PTGER4: variants seen among roughly 807,000 people sequenced by gnomAD.
PTGER4 encodes the protein prostaglandin E2 receptor EP4 subtype.
PTGER4 carries 11 observed loss-of-function variants against 33.2 expected under a neutral mutation model. That is an observed-to-expected ratio of 0.33 (90% CI 0.21 to 0.55). The LOEUF (loss-of-function observed/expected upper bound fraction) is 0.55. PTGER4 is among the 20% of genes least tolerant of loss of function. The pLI is 0.92. For synonymous variants in PTGER4, 275 were observed against 281.5 expected (o/e 0.98, Z 0.23); for missense variants, 481 against 650.2 (o/e 0.74, Z 2.83).
At chr5:40,685,440 T>C in intron 2 of PTGER4, 2 of 985,398 alleles carry the variant, frequency 2.0e-6, no homozygotes, top group Non-Finnish European at 2.4e-6. Flanking sequence ...GTCAGATGAG[T>C]GTGAAGCACA....
the PTGER4 span, among the ~76,000 whole-genome samples, chr5:40,745,017 T>G: frequency 6.6e-6 from 1 of 152,108 alleles, no homozygotes; most frequent in East Asian, 1.9e-4. Context: ...AAGAAACACA[T>G]GAGATAGAGG....
At chr5:40,717,695 T>C in the PTGER4 span, among the ~76,000 whole-genome samples, 1 of 152,348 alleles carries the variant, frequency 6.6e-6, no homozygotes, top group Non-Finnish European at 1.5e-5. Flanking sequence ...GGTCTAAATC[T>C]ATTATATGTT....
chr5:40,697,300 G>GAAAGAAAGAAAGAA (rs1741635196), downstream of PTGER4, among the ~76,000 whole-genome samples: 1 of 139,778 alleles, frequency 7.2e-6, no homozygotes, highest in Non-Finnish European at 1.6e-5. Context: ...GAAAGAAAAA[G>GAAAGAAAGAAAGAA]AAAGGCCAGG....
chr5:40,721,478 A>C, the PTGER4 span, among the ~76,000 whole-genome samples: 4 of 152,226 alleles, frequency 2.6e-5, no homozygotes, highest in Non-Finnish European at 5.9e-5. Flanking sequence ...CTGATCTTCA[A>C]CAAGGGCATT....
chr5:40,719,168 AT>A, the PTGER4 span, among the ~76,000 whole-genome samples: 1 of 152,116 alleles, frequency 6.6e-6, no homozygotes, highest in Non-Finnish European at 1.5e-5. Flanking sequence ...ATTCTAGAAC[AT>A]TTTTATCACC....
downstream of PTGER4, among the ~76,000 whole-genome samples, chr5:40,696,956 AAGAG>A (rs1436082602): frequency 2.9e-5 from 3 of 102,862 alleles, no homozygotes; most frequent in South Asian, 7.1e-4. Flanking sequence ...GAAAGAGAGA[AAGAG>A]AGAAAGAAAG....
chr5:40,695,925 G>A (rs1741576906), downstream of PTGER4, among the ~76,000 whole-genome samples: 1 of 152,168 alleles, frequency 6.6e-6, no homozygotes, highest in Non-Finnish European at 1.5e-5. Flanking sequence ...GACTCCAAAA[G>A]TGGGGAGGTG....
At chr5:40,686,766 C>A (rs1257555283) in intron 2 of PTGER4, among the ~76,000 whole-genome samples, 2 of 152,140 alleles carry the variant, frequency 1.3e-5, no homozygotes, top group East Asian at 1.9e-4. Context: ...GGTGTGGTAA[C>A]ATGTGCCTGT....
chr5:40,697,292 AAG>A (rs1232997280), downstream of PTGER4, among the ~76,000 whole-genome samples: 4 of 145,276 alleles, frequency 2.8e-5, no homozygotes, highest in Non-Finnish European at 4.6e-5. Flanking sequence ...GAAAGAAAGA[AAG>A]AAAAAGAAAG....
chr5:40,741,351 AAAGAC>A, the PTGER4 span, among the ~76,000 whole-genome samples: 1 of 152,164 alleles, frequency 6.6e-6, no homozygotes, highest in Non-Finnish European at 1.5e-5. Context: ...GGTGACCATC[AAAGAC>A]ACTCCATTCT....
At chr5:40,731,606 T>A in the PTGER4 span, among the ~76,000 whole-genome samples, 2 of 152,098 alleles carry the variant, frequency 1.3e-5, no homozygotes, top group Non-Finnish European at 2.9e-5. Flanking sequence ...TAAGATCTCG[T>A]GAGAACTCAG....
At chr5:40,734,010 C>A in the PTGER4 span, among the ~76,000 whole-genome samples, 1 of 152,322 alleles carries the variant, frequency 6.6e-6, no homozygotes, top group East Asian at 1.9e-4. Flanking sequence ...ATAACCATTG[C>A]TGCCAGCAGA....
At chr5:40,698,508 A>T (rs1355354179), downstream of PTGER4, among the ~76,000 whole-genome samples, 3 of 152,184 alleles carry the variant, frequency 2.0e-5, no homozygotes, top group Non-Finnish European at 4.4e-5. Context: ...TGTTTGCAAA[A>T]TATGTAAAGT....
At chr5:40,706,098 T>G in the PTGER4 span, among the ~76,000 whole-genome samples, 2 of 152,160 alleles carry the variant, frequency 1.3e-5, no homozygotes, top group African/African-American at 4.8e-5. Flanking sequence ...AATGACAGAC[T>G]GGCTAAAGAA....
intron 2 of PTGER4, among the ~76,000 whole-genome samples, chr5:40,684,412 C>A (rs527755715): frequency 1.3e-5 from 2 of 152,030 alleles, no homozygotes; most frequent in Non-Finnish European, 2.9e-5. Flanking sequence ...GCTAACAAAG[C>A]AAATGTAGTT....
chr5:40,692,381 G>T lies in PTGER4; in HGVS notation c.*3G>T. The T allele has an allele frequency of 1.3e-6, 2 of 1,575,160 alleles. No homozygotes were observed. The highest frequency in any genetic ancestry group is 1.7e-6 in the Non-Finnish European group (2 of 1,159,786). On this transcript the variant is annotated 3_prime_UTR_variant, in exon 3 of 3. Coordinates refer to ENST00000302472, the MANE Select transcript of PTGER4 (RefSeq NM_000958.3). ...ACTTATCAGAAAAATGTATATAATA[G>T]GCAAGGAAAGAAATACAGTACTGTT...
chr5:40,699,371 C>CTT, the PTGER4 span, among the ~76,000 whole-genome samples: 104,437 of 151,738 alleles, frequency 0.69, 35,969 homozygotes, highest in East Asian at 0.8. Context: ...TAATTAAAAA[C>CTT]TACCCCGCAA....
the PTGER4 span, among the ~76,000 whole-genome samples, chr5:40,738,097 C>A: frequency 6.6e-6 from 1 of 152,014 alleles, no homozygotes; most frequent in Non-Finnish European, 1.5e-5. Flanking sequence ...TGAGATTGTA[C>A]AATAAAGTAT....
In PTGER4 at chr5:40,692,287, G is replaced by A. The variant is rs377759708; in HGVS notation, c.1376G>A (p.Gly459Glu). 1 of 1,613,386 alleles carries A rather than the reference G, an allele frequency of 6.2e-7. No individual in the cohort carries two copies. The highest frequency in any genetic ancestry group is 8.5e-7 in the Non-Finnish European group (1 of 1,179,884). ...GTCTTACTGGTGGATGAGGCTGGTG[G>A]GAGCGGCAGGGCTGGGCCTGCCCCT... ...ESVLLVDEAG[G>E]SGRAGPAPKG... is the part of the protein sequence containing the mutation. Residue 459 changes from glycine to glutamate, a missense_variant, in exon 3 of 3, where the codon GGG (glycine) becomes GAG (glutamate). Coordinates refer to ENST00000302472, the MANE Select transcript of PTGER4 (RefSeq NM_000958.3).
Sources: gnomAD v4.1 joint callset for allele counts (sites outside exome capture counted in the v4.1 genomes callset) on GRCh38, gnomAD v4.1.1 for gene constraint, MANE v1.5 for transcripts, NCBI Gene and HGNC (gene_info 2026-07-23, HGNC 2026-07-21) for gene names.